The following BEND7 variants were observed in gnomAD, a reference collection of about 807,000 sequenced individuals.
BEND7 encodes BEN domain-containing protein 7.
In BEND7, 28 loss-of-function variants were observed where a neutral mutation model predicts 50.9. The observed-to-expected ratio is 0.55, with a 90% CI of 0.41 to 0.75. The LOEUF is 0.75. BEND7 is among the 30% of genes least tolerant of loss of function. BEND7 has a pLI of 0.00. For missense variants in BEND7, 477 were observed against 491.3 expected (o/e 0.97, Z 0.28); for synonymous variants, 170 against 183.9 (o/e 0.92, Z 0.61).
At chr10:13,512,260 T>A (rs545886101) in intron 2 of BEND7, among the ~76,000 whole-genome samples, 12 of 152,224 alleles carry the variant, frequency 7.9e-5, no homozygotes, top group African/African-American at 2.6e-4. Flanking sequence ...CATAGCGAGA[T>A]CCTGTCTCTT....
intron 8 of BEND7, chr10:13,447,056 T>TA (rs1412066915): frequency 3.1e-5 from 18 of 589,532 alleles, no homozygotes; most frequent in Non-Finnish European, 4.2e-5. Context: ...TTTATGAAAA[T>TA]AAGAGTGTGA....
chr10:13,453,402 C>T lies in BEND7; in HGVS notation c.1064-744G>A, dbSNP rs148221833. On this transcript the variant is annotated intron_variant, in intron 6 of 8. Transcript: ENST00000466271. Reference sequence around the variant, plus strand: ...TTCGTAAGGTCAAGATCTGGTAGGCCATCACATCACACTGCCTCCTTGGTA... The same window carrying T: ...TTCGTAAGGTCAAGATCTGGTAGGCTATCACATCACACTGCCTCCTTGGTA... 3.2e-3 allele frequency among the ~76,000 whole-genome samples: 481 copies of T among 152,156 alleles called. 3 individuals carry two copies. Among genetic ancestry groups the T allele is most frequent in the African/African-American group, 0.011 (458 of 41,482 alleles).
intron 6 of BEND7, among the ~76,000 whole-genome samples, chr10:13,475,956 A>T (rs914423968): frequency 5.9e-5 from 9 of 152,170 alleles, no homozygotes; most frequent in Admixed American, 2.0e-4. Flanking sequence ...GGTACTCAAA[A>T]CCAAGCTAAT....
downstream of BEND7, chr10:13,439,538 G>GT (rs1396792357): frequency 6.5e-6 from 10 of 1,536,120 alleles, no homozygotes; most frequent in Admixed American, 1.8e-4. Flanking sequence ...AATGAATGGA[G>GT]TAACTCACCT....
At chr10:13,460,712 A>G (rs1165462171) in intron 6 of BEND7, among the ~76,000 whole-genome samples, 2 of 152,224 alleles carry the variant, frequency 1.3e-5, no homozygotes, top group Non-Finnish European at 2.9e-5. Flanking sequence ...GATCTATTTC[A>G]GCATATGGTT....
At chr10:13,528,159 C>G (rs2079549213) in intron 1 of BEND7, among the ~76,000 whole-genome samples, 1 of 152,162 alleles carries the variant, frequency 6.6e-6, no homozygotes, top group Non-Finnish European at 1.5e-5. Flanking sequence ...GATGGCCAGG[C>G]AGGTCCGCGG....
intron 2 of BEND7, among the ~76,000 whole-genome samples, chr10:13,521,153 C>G (rs185039497): frequency 1.1e-3 from 162 of 152,170 alleles, no homozygotes; most frequent in African/African-American, 3.9e-3. Flanking sequence ...TCTCCTCGAC[C>G]TTTTTTCAAG....
At chr10:13,452,465 C>T in intron 7 of BEND7, 74 bp downstream of exon 7, 1 of 1,430,608 alleles carries the variant, frequency 7.0e-7, no homozygotes, top group Non-Finnish European at 9.4e-7. Flanking sequence ...TAACCTAGAG[C>T]CAAGTATTGT....
chr10:13,439,147 A>C (rs1204748446), downstream of BEND7: 3 of 1,553,944 alleles, frequency 1.9e-6, no homozygotes, highest in African/African-American at 2.7e-5. Flanking sequence ...GGTGATACAC[A>C]CACACATAAA....
In BEND7 at chr10:13,447,272, G is replaced by C; in HGVS notation, c.1228C>G (p.Pro410Ala). 6.2e-7 allele frequency: 1 copy of C among 1,614,094 alleles called. No homozygotes were observed. The highest frequency in any genetic ancestry group is 1.1e-5 in the South Asian group (1 of 91,082). The change falls in exon 8 of 9, where the codon CCA becomes GCA. Residue 410 changes from proline (P) to alanine (A), a missense_variant. Pro to Ala is a conservative substitution (Grantham distance 27). Coordinates refer to ENST00000466271, the MANE Select transcript of BEND7 (RefSeq NM_001369863.1). ...DERLDGIALP[P>A]TVV is the part of the protein sequence containing the mutation. ...GTAAATGCGTTTTATTTACCTGTTG[G>C]TGGTAGAGCAATGCCGTCCAGTCTT...
rs771435081 is a variant in BEND7, at chr10:13,441,723, C to T, written c.*20G>A. ...ACCCATGGTGCAAAAAACACAAGAG[C>T]TGTGGTTTGCAGTCCTTCATCAGAC... On this transcript the variant is annotated 3_prime_UTR_variant, in exon 9 of 9. Coordinates refer to ENST00000466271, the MANE Select transcript of BEND7 (RefSeq NM_001369863.1). The T allele has an allele frequency of 6.2e-7, 1 of 1,613,812 alleles. No homozygotes were observed. The highest frequency in any genetic ancestry group is 1.1e-5 in the South Asian group (1 of 91,012).
At chr10:13,440,406 G>C (rs916678611), downstream of BEND7, among the ~76,000 whole-genome samples, 3 of 152,212 alleles carry the variant, frequency 2.0e-5, no homozygotes, top group Non-Finnish European at 4.4e-5. Flanking sequence ...ATCTGTTTTT[G>C]CAACAGCTCG....
chr10:13,504,220 T>G (rs757858499), intron 2 of BEND7, among the ~76,000 whole-genome samples: 6 of 152,154 alleles, frequency 3.9e-5, no homozygotes, highest in Admixed American at 1.3e-4. Context: ...TGGTGCAGTG[T>G]TAGTGTGGGA....
intron 2 of BEND7, among the ~76,000 whole-genome samples, chr10:13,508,118 T>C (rs2078025812): frequency 2.6e-5 from 4 of 152,180 alleles, no homozygotes; most frequent in South Asian, 2.1e-4. Context: ...AAGAGGAATC[T>C]GAAACAGACC....
chr10:13,494,765 A>G (rs1325763583), intron 4 of BEND7, among the ~76,000 whole-genome samples: 1 of 152,222 alleles, frequency 6.6e-6, no homozygotes, highest in Non-Finnish European at 1.5e-5. Context: ...AAATCTAGAC[A>G]CAGCCCAAGT....
intron 6 of BEND7, 198 bp downstream of exon 6, chr10:13,480,701 T>C: frequency 1.0e-6 from 1 of 985,304 alleles, no homozygotes; most frequent in Non-Finnish European, 1.2e-6. Context: ...CAAATTAACA[T>C]TACCTTGAAT....
At chr10:13,507,324 G>A (rs574870121) in intron 2 of BEND7, among the ~76,000 whole-genome samples, 21 of 152,120 alleles carry the variant, frequency 1.4e-4, no homozygotes, top group Admixed American at 6.6e-5. Flanking sequence ...CCCCGCGCCA[G>A]TCTCAAACCC....
At chr10:13,487,477 C>G (rs1011558413) in intron 5 of BEND7, among the ~76,000 whole-genome samples, 1 of 151,052 alleles carries the variant, frequency 6.6e-6, no homozygotes, top group Non-Finnish European at 1.5e-5. Context: ...ACCTCTGCCT[C>G]CCAGGTTCAA....
At chr10:13,484,564 C>T (rs1467998794) in intron 5 of BEND7, among the ~76,000 whole-genome samples, 2 of 152,180 alleles carry the variant, frequency 1.3e-5, no homozygotes, top group African/African-American at 2.4e-5. Context: ...AACACTCTTC[C>T]AAATGAATAT....
Sources: gnomAD v4.1 joint callset for allele counts (sites outside exome capture counted in the v4.1 genomes callset) on GRCh38, gnomAD v4.1.1 for gene constraint, MANE v1.5 for transcripts, NCBI Gene and HGNC (gene_info 2026-07-23, HGNC 2026-07-21) for gene names.